CYBB: variants seen among roughly 807,000 people sequenced by gnomAD.
CYBB encodes the protein NADPH oxidase 2.
A neutral mutation model predicts 46.5 loss-of-function variants in CYBB; 5 were observed. The observed-to-expected ratio is 0.11, with a 90% CI of 0.06 to 0.23. CYBB has a LOEUF of 0.23. CYBB is among the 10% of genes least tolerant of loss of function. CYBB has a pLI of 1.00. For synonymous variants in CYBB, 183 were observed against 156.7 expected (o/e 1.17, Z -1.26); for missense variants, 307 against 428.3 (o/e 0.72, Z 2.50).
chrX:37,785,992 A>G (rs1556465460), intron 3 of CYBB, among the ~76,000 whole-genome samples: 1 of 111,840 alleles, frequency 8.9e-6, no homozygotes, highest in Non-Finnish European at 1.9e-5. Flanking sequence ...ACTGCCCTTC[A>G]AATCGCAGAG....
intron 8 of CYBB, 98 bp downstream of exon 8, chrX:37,801,446 G>C: frequency 1.7e-6 from 1 of 595,232 alleles, no homozygotes. Context: ...TGTTACAACA[G>C]AGAGAAGACC....
intron 3 of CYBB, among the ~76,000 whole-genome samples, chrX:37,791,100 A>G (rs1929188951): frequency 8.9e-6 from 1 of 111,732 alleles, no homozygotes; most frequent in South Asian, 3.7e-4. Context: ...AATCATGTAA[A>G]GTATGAAATA....
Position 37,801,271 on chromosome X carries a change from G to C in CYBB, c.820G>C (p.Val274Leu). The change falls in exon 8 of 13, where the codon GTG (valine) becomes CTG (leucine). Residue 274 changes from valine to leucine, a missense_variant. Val to Leu is a conservative substitution (Grantham distance 32). Around this residue, in one of 3 missense-constraint regions of CYBB, gnomAD observed 82 missense variants for 69.9 expected, o/e 1.17. Coordinates refer to ENST00000378588, the MANE Select transcript of CYBB (RefSeq NM_000397.4). ...CTGATTACAGACTTGGAAATGGATA[G>C]TGGGTCCCATGTTTCTGTATCTCTG... Reference protein sequence around the residue: ...GNPPMTWKWIVGPMFLYLCER... With the variant: ...GNPPMTWKWILGPMFLYLCER... 1 of 1,206,290 alleles carries C rather than the reference G, an allele frequency of 8.3e-7. No homozygotes were observed. The highest frequency in any genetic ancestry group is 1.1e-6 in the Non-Finnish European group (1 of 890,835).
chrX:37,781,977 CCT>C, intron 1 of CYBB, 109 bp from the exon 2 acceptor site: 1 of 607,729 alleles, frequency 1.6e-6, no homozygotes, highest in Non-Finnish European at 2.8e-6. Context: ...TTTGTCACTA[CCT>C]TTGTCAAAGT....
chrX:37,791,900 T>A, intron 3 of CYBB, 75 bp from the exon 4 acceptor site: 5 of 724,302 alleles, frequency 6.9e-6, no homozygotes, highest in Non-Finnish European at 8.8e-6. Flanking sequence ...TGAGATAATA[T>A]GTATCAAATG....
chrX:37,809,111 A>G (rs996989316), intron 11 of CYBB, among the ~76,000 whole-genome samples: 1 of 112,483 alleles, frequency 8.9e-6, no homozygotes, highest in Non-Finnish European at 1.9e-5. Context: ...CTACCAAAGT[A>G]TTGCTGCATT....
At chrX:37,806,896 C>CTCTG (rs782587393) in intron 11 of CYBB, among the ~76,000 whole-genome samples, 22 of 106,383 alleles carry the variant, frequency 2.1e-4, no homozygotes, top group African/African-American at 6.2e-4. Context: ...CTCTCTGTCT[C>CTCTG]TGTGTGTGTG....
At chrX:37,797,294 TA>T (rs1929334396) in intron 6 of CYBB, among the ~76,000 whole-genome samples, 1 of 112,125 alleles carries the variant, frequency 8.9e-6, no homozygotes. Context: ...AAATGGGACT[TA>T]GTCATAATCC....
Position 37,810,993 on chromosome X carries a change from AC to A in CYBB, c.*81del. The A allele has an allele frequency of 5.2e-6, 5 of 954,907 alleles. No individual in the cohort carries two copies. Among genetic ancestry groups the A allele is most frequent in the Non-Finnish European group, 7.4e-6 (5 of 677,945 alleles). 78.7% of individuals were successfully genotyped at this position (954,907 alleles called of 1,213,427 possible). A position where few individuals can be genotyped will look rare whatever the true frequency, so the allele number is the denominator to read the frequency against. The stretch of plus-strand genomic sequence containing the variant: ...AATAATGCTAATTGATAATATAAAT[AC>A]CCCCTGCTTAAAAATGGACAAAAAG... On this transcript the variant is annotated 3_prime_UTR_variant, in exon 13 of 13. Coordinates refer to ENST00000378588, the MANE Select transcript of CYBB (RefSeq NM_000397.4).
chrX:37,809,516 T>A, intron 11 of CYBB, 51 bp from the exon 12 acceptor site: 2 of 1,163,351 alleles, frequency 1.7e-6, no homozygotes, highest in South Asian at 3.8e-5. Context: ...ACATTGTATG[T>A]GCTTTTACAG....
At chrX:37,807,213 T>C (rs1929583491) in intron 11 of CYBB, among the ~76,000 whole-genome samples, 1 of 110,508 alleles carries the variant, frequency 9.0e-6, no homozygotes, top group Non-Finnish European at 1.9e-5. Flanking sequence ...TTTAGACTTA[T>C]GGTATTTTCA....
intron 7 of CYBB, among the ~76,000 whole-genome samples, chrX:37,799,692 T>C (rs1929396415): frequency 9.0e-6 from 1 of 111,675 alleles, no homozygotes; most frequent in South Asian, 3.7e-4. Flanking sequence ...ACTTTCTTCC[T>C]TCTATTGGGA....
chrX:37,810,073 T>C (rs1929639135), intron 12 of CYBB, among the ~76,000 whole-genome samples: 1 of 112,074 alleles, frequency 8.9e-6, no homozygotes, highest in African/African-American at 3.2e-5. Context: ...CTTTCAGTTC[T>C]AAAAGCTTCT....
At chrX:37,797,545 CTCCTGG>C (rs1929339599) in intron 6 of CYBB, among the ~76,000 whole-genome samples, 2 of 111,813 alleles carry the variant, frequency 1.8e-5, no homozygotes, top group South Asian at 7.4e-4. Context: ...GGTTTCTGGA[CTCCTGG>C]TCCTGGCATT....
Position 37,780,060 on chromosome X carries a change from C to T in CYBB, c.-18C>T, listed in dbSNP as rs782351958. ...GTATAGAAGAAAGGCAAACACAACA[C>T]ATTCAACCTCTGCCACCATGGGGAA... On this transcript the variant is annotated 5_prime_UTR_variant, in exon 1 of 13. Transcript: ENST00000378588. The T allele has an allele frequency of 5.8e-6, 7 of 1,208,220 alleles. No homozygotes were observed. Among genetic ancestry groups the T allele is most frequent in the East Asian group, 3.0e-5 (1 of 33,822 alleles).
In CYBB at chrX:37,801,244, C is replaced by T; in HGVS notation, c.805-12C>T. The T allele has an allele frequency of 1.7e-6, 2 of 1,162,824 alleles. No homozygotes were observed. The highest frequency in any genetic ancestry group is 2.3e-6 in the Non-Finnish European group (2 of 851,393). On this transcript the variant is annotated splice_polypyrimidine_tract_variant and intron_variant, in intron 7 of 12. Coordinates refer to ENST00000378588, the MANE Select transcript of CYBB (RefSeq NM_000397.4). ...TTAATGTATCTCATTTTCATTTTTG[C>T]TCTGATTACAGACTTGGAAATGGAT...
Position 37,783,533 on chromosome X carries a change from T to A in CYBB, c.185T>A (p.Phe62Tyr). ...LARAPAACLN[F>Y]NCMLILLPVC... ...AGGGCCCCTGCAGCCTGCCTGAATT[T>A]CAACTGCATGCTGATTCTCTTGCCA... Residue 62 changes from phenylalanine (F) to tyrosine (Y), a missense_variant, in exon 3 of 13, where the codon TTC becomes TAC. Physicochemically the swap from Phe to Tyr is conservative, Grantham distance 22. Transcript: ENST00000378588. 1 of 1,210,733 alleles carries A rather than the reference T, an allele frequency of 8.3e-7. No individual in the cohort carries two copies. The highest frequency in any genetic ancestry group is 1.1e-6 in the Non-Finnish European group (1 of 894,357).
chrX:37,784,730 GA>G (rs1386024173), intron 3 of CYBB, among the ~76,000 whole-genome samples: 2 of 111,409 alleles, frequency 1.8e-5, no homozygotes, highest in Non-Finnish European at 3.8e-5. Flanking sequence ...TAAGCTTTTT[GA>G]AAAAAATACT....
At chrX:37,792,528 T>C (rs1929219221) in intron 4 of CYBB, among the ~76,000 whole-genome samples, 1 of 111,003 alleles carries the variant, frequency 9.0e-6, no homozygotes, top group South Asian at 3.8e-4. Flanking sequence ...ACTATTGTTA[T>C]TGTTATTGCA....
Sources: gnomAD v4.1 joint callset for allele counts (sites outside exome capture counted in the v4.1 genomes callset) on GRCh38, gnomAD v4.1.1 for gene constraint, gnomAD v4.1.1 regional missense constraint, MANE v1.5 for transcripts, NCBI Gene and HGNC (gene_info 2026-07-23, HGNC 2026-07-21) for gene names.